HOMER1: variants seen among roughly 807,000 people sequenced by gnomAD.
HOMER1 encodes homer scaffold protein 1, also known as homer protein homolog 1.
In HOMER1, 3 loss-of-function variants were observed where a neutral mutation model predicts 48.9. The observed-to-expected ratio is 0.06, with a 90% CI of 0.03 to 0.16. The LOEUF is 0.16. Ranked by LOEUF, HOMER1 falls within the 10% of genes least tolerant of loss-of-function variation. The pLI, the probability that HOMER1 is intolerant of heterozygous loss-of-function variation, is 1.00. For missense variants in HOMER1, 247 were observed against 411.4 expected (o/e 0.60, Z 3.46); for synonymous variants, 134 against 146.4 (o/e 0.92, Z 0.61).
At chr5:79,506,104 TTTTATTTA>T (rs145852965) in intron 1 of HOMER1, among the ~76,000 whole-genome samples, 3 of 87,544 alleles carry the variant, frequency 3.4e-5, no homozygotes, top group East Asian at 7.2e-4. Context: ...TTTTAAAAAC[TTTTATTTA>T]TTTATTTATT....
chr5:79,498,777 G>T (rs181967413), intron 1 of HOMER1, among the ~76,000 whole-genome samples: 1 of 151,604 alleles, frequency 6.6e-6, no homozygotes, highest in East Asian at 1.9e-4. Flanking sequence ...AACTACCTCG[G>T]GATGATTCAG....
At chr5:79,481,813 C>T (rs2112342658) in intron 1 of HOMER1, among the ~76,000 whole-genome samples, 1 of 152,302 alleles carries the variant, frequency 6.6e-6, no homozygotes, top group South Asian at 2.1e-4. Context: ...ATTAGCTGTA[C>T]AGTAAAAGGC....
At chr5:79,433,986 A>C (rs1247867044) in intron 5 of HOMER1, among the ~76,000 whole-genome samples, 1 of 152,228 alleles carries the variant, frequency 6.6e-6, no homozygotes, top group Non-Finnish European at 1.5e-5. Flanking sequence ...CCAAAAATAC[A>C]TAAATTCTAG....
intron 1 of HOMER1, among the ~76,000 whole-genome samples, chr5:79,470,789 CATATCA>C (rs1751594170): frequency 6.6e-6 from 1 of 152,022 alleles, no homozygotes; most frequent in African/African-American, 2.4e-5. Flanking sequence ...CTTAGCAATG[CATATCA>C]AAAGCCACTA....
intron 1 of HOMER1, among the ~76,000 whole-genome samples, chr5:79,477,781 A>T (rs1251380303): frequency 6.6e-6 from 1 of 152,206 alleles, no homozygotes; most frequent in African/African-American, 2.4e-5. Flanking sequence ...AACTAAGAGG[A>T]GATAGAAAAC....
chr5:79,433,086 C>G (rs771647186), intron 5 of HOMER1, among the ~76,000 whole-genome samples: 14 of 152,238 alleles, frequency 9.2e-5, no homozygotes, highest in Middle Eastern at 3.4e-3. Flanking sequence ...CAGTCTCATC[C>G]AAACAAAAGT....
chr5:79,441,297 G>C (rs947608894), intron 4 of HOMER1, among the ~76,000 whole-genome samples: 1 of 152,200 alleles, frequency 6.6e-6, no homozygotes, highest in African/African-American at 2.4e-5. Context: ...AAAAGAGAGA[G>C]AGGAAGAGCA....
At chr5:79,455,747 G>C (rs1386567544) in intron 2 of HOMER1, among the ~76,000 whole-genome samples, 1 of 152,128 alleles carries the variant, frequency 6.6e-6, no homozygotes, top group Non-Finnish European at 1.5e-5. Context: ...AGGCTTCATG[G>C]CTTTAAGAAA....
chr5:79,386,940 T>C (rs1387766356), intron 8 of HOMER1, among the ~76,000 whole-genome samples: 12 of 109,690 alleles, frequency 1.1e-4, no homozygotes, highest in Middle Eastern at 4.6e-3. Flanking sequence ...CTCCCTTCCT[T>C]CCTTCCTTTC....
intron 5 of HOMER1, among the ~76,000 whole-genome samples, chr5:79,412,391 G>A (rs1200776603): frequency 6.6e-6 from 1 of 152,198 alleles, no homozygotes; most frequent in African/African-American, 2.4e-5. Context: ...GCTCAGGAAA[G>A]CAACCTCTTA....
intron 5 of HOMER1, among the ~76,000 whole-genome samples, chr5:79,435,788 G>A (rs1186328590): frequency 1.5e-4 from 22 of 151,076 alleles, no homozygotes; most frequent in Admixed American, 1.4e-3. Context: ...CCAAGATTGA[G>A]CCATTGCACT....
intron 1 of HOMER1, among the ~76,000 whole-genome samples, chr5:79,462,882 G>A (rs1751355765): frequency 6.6e-6 from 1 of 152,156 alleles, no homozygotes; most frequent in African/African-American, 2.4e-5. Flanking sequence ...AGGAAAGGAA[G>A]AGAAATTGTA....
intron 2 of HOMER1, among the ~76,000 whole-genome samples, chr5:79,453,255 G>T (rs777843377): frequency 1.5e-4 from 23 of 152,112 alleles, no homozygotes; most frequent in Non-Finnish European, 2.9e-4. Flanking sequence ...TCTGAACTGG[G>T]ATCTCTGTGT....
At chr5:79,431,333 C>T (rs1314997312) in intron 5 of HOMER1, among the ~76,000 whole-genome samples, 3 of 149,168 alleles carry the variant, frequency 2.0e-5, no homozygotes, top group Non-Finnish European at 2.9e-5. Flanking sequence ...AACAAACAAA[C>T]AACACATGCT....
At chr5:79,385,994 AG>A (rs1749101196) in intron 8 of HOMER1, among the ~76,000 whole-genome samples, 3 of 152,130 alleles carry the variant, frequency 2.0e-5, no homozygotes, top group Non-Finnish European at 2.9e-5. Context: ...TATAGCGAAA[AG>A]GGCACTCTTT....
intron 4 of HOMER1, among the ~76,000 whole-genome samples, chr5:79,441,432 C>T (rs963937577): frequency 2.0e-5 from 3 of 151,896 alleles, no homozygotes; most frequent in African/African-American, 7.3e-5. Context: ...GTTAATGCTA[C>T]TAAAGTAGAA....
intron 5 of HOMER1, among the ~76,000 whole-genome samples, chr5:79,427,500 T>C (rs1240493400): frequency 1.3e-5 from 2 of 152,174 alleles, no homozygotes; most frequent in Non-Finnish European, 2.9e-5. Context: ...GCGATTCTCA[T>C]GCCTCAGCCA....
At chr5:79,475,484 G>T (rs1751743749) in intron 1 of HOMER1, among the ~76,000 whole-genome samples, 1 of 141,878 alleles carries the variant, frequency 7.0e-6, no homozygotes. Flanking sequence ...GAGAAGAACA[G>T]CAGGGGAAAA....
intron 2 of HOMER1, among the ~76,000 whole-genome samples, chr5:79,455,602 A>G (rs1751152825): frequency 6.6e-6 from 1 of 152,220 alleles, no homozygotes; most frequent in South Asian, 2.1e-4. Flanking sequence ...GTATTTCTTC[A>G]TAGAAGTATG....
Sources: gnomAD v4.1 joint callset for allele counts (sites outside exome capture counted in the v4.1 genomes callset) on GRCh38, gnomAD v4.1.1 for gene constraint, MANE v1.5 for transcripts, NCBI Gene and HGNC (gene_info 2026-07-23, HGNC 2026-07-21) for gene names.